The following SH2D6 variants were observed in gnomAD, a reference collection of about 807,000 sequenced individuals.
The protein encoded by SH2D6 is SH2 domain containing 6, also known as SH2 domain-containing protein 6.
SH2D6 carries 31 observed loss-of-function variants against 30.2 expected under a neutral mutation model. The ratio of observed to expected loss-of-function variants is 1.03; its 90% CI spans 0.77 to 1.38. SH2D6 has a LOEUF of 1.38. Among genes scored for constraint, SH2D6 ranks in the 40% most tolerant of loss-of-function variants. The pLI is 0.00. For missense variants in SH2D6, 240 were observed against 266.8 expected, an observed-to-expected ratio of 0.90 and a Z score of 0.70; for synonymous variants, 93 against 104.6, an observed-to-expected ratio of 0.89 and a Z score of 0.68.
chr2:85,420,943 A>G (rs936432029), intron 2 of SH2D6: 3 of 152,334 alleles, frequency 2.0e-5, no homozygotes, highest in Admixed American at 6.5e-5. Flanking sequence ...GCCAGCATCC[A>G]TTCTTCTCTG....
chr2:85,433,725 C>A, intron 16 of SH2D6, 94 bp downstream of exon 16: 1 of 947,182 alleles, frequency 1.1e-6, no homozygotes, highest in Non-Finnish European at 1.4e-6. Context: ...GCTTCCCTTG[C>A]TGCCTCTCAC....
chr2:85,436,235 C>T (rs1359216606), intron 22 of SH2D6, among the ~76,000 whole-genome samples: 1 of 152,204 alleles, frequency 6.6e-6, no homozygotes, highest in Non-Finnish European at 1.5e-5. Context: ...TTGATCTAGC[C>T]TTGGACATAA....
In SH2D6 at chr2:85,430,720, C is replaced by G. The variant is rs1026886624; in HGVS notation, c.250+68C>G. 6.6e-6 allele frequency: 1 copy of G among 152,642 alleles called. No individual in the cohort carries two copies. The highest frequency in any genetic ancestry group is 2.4e-5 in the African/African-American group (1 of 41,396). The allele number at this position is 152,642 out of a possible 1,614,324, so 9.5% of individuals were successfully genotyped here. On this transcript the variant is annotated intron_variant, in intron 12 of 23. Transcript: ENST00000469800. The surrounding 1 kb of genome is among the most constrained non-coding windows in gnomAD (Gnocchi z 4.3). Reference sequence around the variant, plus strand: ...GCAGGGCAGGAGGGTCCCCACAAGACAAGAGGACATAGGCCTCGCCTCTCC... The same window carrying G: ...GCAGGGCAGGAGGGTCCCCACAAGAGAAGAGGACATAGGCCTCGCCTCTCC...
chr2:85,435,141 GC>G lies in SH2D6; in HGVS notation c.648+19del. 6.2e-7 allele frequency: 1 copy of G among 1,608,492 alleles called. No homozygotes were observed. The highest frequency in any genetic ancestry group is 8.5e-7 in the Non-Finnish European group (1 of 1,177,690). Reference sequence around the variant, plus strand: ...CTGCTGAGGTGAGGAGGGGCTGGGAGCAGGCTGTAGGGAGAGGTTCCGGGAG... The same window carrying G: ...CTGCTGAGGTGAGGAGGGGCTGGGAGAGGCTGTAGGGAGAGGTTCCGGGAG... On this transcript the variant is annotated intron_variant, in intron 20 of 23. Coordinates refer to ENST00000469800, the MANE Select transcript of SH2D6 (RefSeq NM_001394463.1).
chr2:85,431,136 G>A (rs886455056), intron 12 of SH2D6, 74 bp from the exon 13 acceptor site: 1 of 143,950 alleles, frequency 6.9e-6, no homozygotes, highest in Non-Finnish European at 1.5e-5. Flanking sequence ...AGGCTGGTCG[G>A]GGGGAGGCGG....
At chr2:85,428,554 G>C (rs1465554898) in intron 6 of SH2D6, 30 bp from the exon 7 acceptor site, 4 of 152,174 alleles carry the variant, frequency 2.6e-5, no homozygotes, top group Non-Finnish European at 5.9e-5. Flanking sequence ...ATAAGAAGAA[G>C]AGTTACCAGA....
intron 13 of SH2D6, 107 bp from the exon 14 acceptor site, chr2:85,431,792 A>G (rs1688682799): frequency 6.6e-6 from 1 of 152,574 alleles, no homozygotes; most frequent in Non-Finnish European, 1.5e-5. Flanking sequence ...CCTTTTGTAC[A>G]TTTTTTAAAG....
intron 7 of SH2D6, among the ~76,000 whole-genome samples, chr2:85,429,039 C>T (rs143697508): frequency 6.6e-6 from 1 of 152,366 alleles, no homozygotes; most frequent in African/African-American, 2.4e-5. Context: ...TCTCCTTAAT[C>T]GTTGGTCATC....
At chr2:85,423,201 G>C (rs1387838190) in intron 5 of SH2D6, among the ~76,000 whole-genome samples, 1 of 151,146 alleles carries the variant, frequency 6.6e-6, no homozygotes, top group Non-Finnish European at 1.5e-5. Context: ...TTTTTTTTTT[G>C]TTGTTGTTGT....
chr2:85,422,110 G>T (rs917074735), intron 2 of SH2D6, 93 bp from the exon 3 acceptor site: 5 of 152,052 alleles, frequency 3.3e-5, no homozygotes, highest in African/African-American at 1.2e-4. Flanking sequence ...CCATTTTGGG[G>T]GTAACATTTT....
At chr2:85,434,783 G>C in intron 19 of SH2D6, 1 of 1,458,084 alleles carries the variant, frequency 6.9e-7, no homozygotes, top group Middle Eastern at 2.6e-4. Flanking sequence ...CAGGCCTGAG[G>C]GGACCCTCTT....
chr2:85,418,953 A>T (rs1157167195), intron 1 of SH2D6, 23 bp downstream of exon 1: 1 of 152,180 alleles, frequency 6.6e-6, no homozygotes, highest in Non-Finnish European at 1.5e-5. Context: ...GGAGATGAAG[A>T]TGGTGGGTGG....
At chr2:85,426,473 G>T (rs534078103) in intron 6 of SH2D6, among the ~76,000 whole-genome samples, 1 of 152,178 alleles carries the variant, frequency 6.6e-6, no homozygotes, top group East Asian at 1.9e-4. Flanking sequence ...CTTTCTGATT[G>T]TGGGACCCTA....
At chr2:85,433,691 C>G in intron 16 of SH2D6, 60 bp downstream of exon 16, 1 of 1,058,946 alleles carries the variant, frequency 9.4e-7, no homozygotes. Flanking sequence ...GCTCACAGCA[C>G]AACACACTCT....
chr2:85,433,948 T>A, intron 16 of SH2D6, 85 bp from the exon 17 acceptor site: 1 of 1,171,500 alleles, frequency 8.5e-7, no homozygotes, highest in Non-Finnish European at 1.2e-6. Context: ...CAGCAGGCCC[T>A]GCAGCTGTTC....
intron 5 of SH2D6, among the ~76,000 whole-genome samples, chr2:85,423,255 C>A (rs1321524126): frequency 6.8e-6 from 1 of 147,876 alleles, no homozygotes; most frequent in Non-Finnish European, 1.5e-5. Flanking sequence ...CGAAGTCTCA[C>A]TCTGCTCACT....
chr2:85,435,952 C>A, intron 22 of SH2D6, 128 bp downstream of exon 22: 1 of 1,294,602 alleles, frequency 7.7e-7, no homozygotes, highest in Non-Finnish European at 1.0e-6. Context: ...AATGACAGAG[C>A]CCAGAGCCCT....
At chr2:85,435,307 T>C (rs1011171902) in intron 20 of SH2D6, 106 bp from the exon 21 acceptor site, 2 of 1,356,140 alleles carry the variant, frequency 1.5e-6, no homozygotes, top group African/African-American at 1.4e-5. Context: ...GGGGACTCAG[T>C]TGAGCATAGG....
rs1211390521 is a variant in SH2D6 at position 85,430,869 on chromosome 2, G to T, written c.250+217G>T. Among the ~76,000 whole-genome samples the T allele has an allele frequency of 6.6e-6, 1 of 152,112 alleles. No individual in the cohort carries two copies. The highest frequency in any genetic ancestry group is 1.5e-5 in the Non-Finnish European group (1 of 68,010). ...GAGGGAGGGTGGGAGGGAGGAAGAA[G>T]AGTGGGAAGGGAAGAGGAGGGGTGG... is the stretch of plus-strand genomic sequence containing the variant. On this transcript the variant is annotated intron_variant, in intron 12 of 23. Transcript: ENST00000469800. This position sits in a 1 kb window ranked among gnomAD's most constrained non-coding sequence, Gnocchi z 4.3.
Sources: gnomAD v4.1 joint callset for allele counts (sites outside exome capture counted in the v4.1 genomes callset) on GRCh38, gnomAD v4.1.1 for gene constraint, Gnocchi (gnomAD v3.1) non-coding constraint, MANE v1.5 for transcripts, NCBI Gene and HGNC (gene_info 2026-07-23, HGNC 2026-07-21) for gene names.